The following CAPN5 variants were observed in gnomAD, a reference collection of about 807,000 sequenced individuals.
CAPN5 encodes the protein calpain 5, also known as calpain-5.
Under a neutral mutation model 73.0 loss-of-function variants are expected in CAPN5, and 54 were observed. The ratio of observed to expected loss-of-function variants is 0.74; its 90% CI spans 0.59 to 0.93. The LOEUF (loss-of-function observed/expected upper bound fraction) is 0.93, where lower values mean the gene tolerates loss of function less well. Among genes scored for constraint, CAPN5 ranks in the 40% least tolerant of loss-of-function variants. The pLI is 0.00. For synonymous variants in CAPN5, 335 were observed against 356.9 expected (o/e 0.94, Z 0.69); for missense variants, 785 against 882.9 (o/e 0.89, Z 1.41).
intron 4 of CAPN5, among the ~76,000 whole-genome samples, chr11:77,113,701 C>G (rs535940892): frequency 8.2e-6 from 1 of 121,304 alleles, no homozygotes; most frequent in Admixed American, 8.0e-5. Context: ...AAGCCAGCCC[C>G]CTGGTGGCCA....
intron 2 of CAPN5, chr11:77,088,004 T>C (rs1555035850): frequency 2.0e-6 from 3 of 1,536,016 alleles, no homozygotes; most frequent in African/African-American, 1.4e-5. Context: ...GAATGGAGAA[T>C]GTCCCCAGGC....
At chr11:77,123,426 A>G (rs1403028708) in intron 12 of CAPN5, among the ~76,000 whole-genome samples, 1 of 152,186 alleles carries the variant, frequency 6.6e-6, no homozygotes, top group African/African-American at 2.4e-5. Context: ...CGCTTGTCCA[A>G]GTTCACCCAA....
intron 1 of CAPN5, among the ~76,000 whole-genome samples, chr11:77,082,271 A>C (rs1171382785): frequency 6.6e-6 from 1 of 152,116 alleles, no homozygotes. Flanking sequence ...GAGGGCAGGC[A>C]CACAGGGCAG....
chr11:77,091,369 G>T (rs1214825692), intron 2 of CAPN5, among the ~76,000 whole-genome samples: 1 of 152,216 alleles, frequency 6.6e-6, no homozygotes, highest in African/African-American at 2.4e-5. Flanking sequence ...AGAAGCTCTT[G>T]GGATGGAACT....
intron 12 of CAPN5, among the ~76,000 whole-genome samples, chr11:77,123,257 TC>T (rs35524928): frequency 6.6e-6 from 1 of 152,092 alleles, no homozygotes; most frequent in Non-Finnish European, 1.5e-5. Context: ...AACATTTGGG[TC>T]CCCCTGGGGG....
chr11:77,105,701 G>A (rs1030438289), intron 3 of CAPN5, among the ~76,000 whole-genome samples: 1 of 152,214 alleles, frequency 6.6e-6, no homozygotes, highest in Admixed American at 6.5e-5. Flanking sequence ...GCTTGGTTCT[G>A]TGAAGGTCCT....
intron 1 of CAPN5, among the ~76,000 whole-genome samples, chr11:77,068,421 G>A (rs1197031409): frequency 6.6e-6 from 1 of 152,126 alleles, no homozygotes; most frequent in Non-Finnish European, 1.5e-5. Context: ...ACTGATGGGT[G>A]CCCGGGAGCT....
chr11:77,111,181 CT>C (rs1950406928), intron 3 of CAPN5, among the ~76,000 whole-genome samples: 1 of 152,122 alleles, frequency 6.6e-6, no homozygotes, highest in Non-Finnish European at 1.5e-5. Flanking sequence ...AGCCTCAGCA[CT>C]TTGCCTGGGT....
Position 77,120,728 on chromosome 11 carries a change from CAG to C in CAPN5, c.1307_1308del (p.Gln436LeufsTer54). 6.2e-7 allele frequency: 1 copy of C among 1,610,004 alleles called. No individual in the cohort carries two copies. Among genetic ancestry groups the C allele is most frequent in the East Asian group, 2.2e-5 (1 of 44,806 alleles). ...CCTCCTGCAGGTGGAGGAGAACCGC[CAG>C]TACCGCATGCACAGCCTGCAGCACA... ...FDIYKVEENR[Q>X]YRMHSLQHKA... On this transcript the variant is annotated frameshift_variant, in exon 10 of 13. Transcript: ENST00000648180. LOFTEE classifies it high-confidence loss of function.
intron 3 of CAPN5, among the ~76,000 whole-genome samples, chr11:77,110,117 CTT>C (rs34542185): frequency 6.2e-5 from 9 of 144,358 alleles, no homozygotes; most frequent in Non-Finnish European, 7.6e-5. Flanking sequence ...TGGAACCGCT[CTT>C]TTTTTTTTTT....
At chr11:77,079,750 C>G (rs1328106300) in intron 1 of CAPN5, among the ~76,000 whole-genome samples, 2 of 151,672 alleles carry the variant, frequency 1.3e-5, no homozygotes, top group Non-Finnish European at 2.9e-5. Context: ...AATTTGTCCT[C>G]CTACCACTAA....
rs2135487647 is a variant in CAPN5, at chr11:77,120,808, C to T, written c.1386C>T (p.Asp462=). The change falls in exon 10 of 13, where the codon GAC becomes GAT. Residue 462 remains aspartate, a synonymous_variant. Coordinates refer to ENST00000648180, the MANE Select transcript of CAPN5 (RefSeq NM_004055.5). ...CACGCAGCGTCTTCCTGCGCACCGA[C>T]CAGCCCGAGGGCCGCTATGTCATCA... ...INSRSVFLRT[D]QPEGRYVIIP... is the part of the protein sequence containing the mutation. 3 of 1,614,216 alleles carry T rather than the reference C, an allele frequency of 1.9e-6. No individual in the cohort carries two copies. The highest frequency in any genetic ancestry group is 1.7e-6 in the Non-Finnish European group (2 of 1,180,036).
rs1201601451 is a variant in CAPN5, at chr11:77,084,956, A to G, written c.70A>G (p.Lys24Glu). ...SALRRDCRRR[K>E]VLFEDPLFPA... is the part of the protein sequence containing the mutation. ...CCTGAGGCGGGACTGCCGGCGCAGG[A>G]AGGTGCTCTTCGAGGACCCCCTCTT... The change falls in exon 2 of 13, where the codon AAG becomes GAG. Residue 24 changes from lysine (K) to glutamate (E), a missense_variant. By Grantham distance (56) the Lys-to-Glu change is moderately conservative (BLOSUM62 1). Coordinates refer to ENST00000648180, the MANE Select transcript of CAPN5 (RefSeq NM_004055.5). 3 of 1,613,646 alleles carry G rather than the reference A, an allele frequency of 1.9e-6. No individual in the cohort carries two copies. Among genetic ancestry groups the G allele is most frequent in the Non-Finnish European group, 2.5e-6 (3 of 1,180,024 alleles).
intron 3 of CAPN5, among the ~76,000 whole-genome samples, chr11:77,109,664 C>A (rs1288664055): frequency 3.3e-5 from 5 of 152,148 alleles, no homozygotes; most frequent in African/African-American, 1.2e-4. Flanking sequence ...TTTAGACAGT[C>A]TCCCTCCTGC....
intron 3 of CAPN5, among the ~76,000 whole-genome samples, chr11:77,108,975 GGT>G (rs1310976591): frequency 6.6e-6 from 1 of 152,148 alleles, no homozygotes; most frequent in Non-Finnish European, 1.5e-5. Flanking sequence ...GGTTTCCCAT[GGT>G]GTGGGTTTTG....
At chr11:77,074,242 G>A (rs1949943515) in intron 1 of CAPN5, among the ~76,000 whole-genome samples, 1 of 152,126 alleles carries the variant, frequency 6.6e-6, no homozygotes, top group Non-Finnish European at 1.5e-5. Flanking sequence ...CCAGTCCTGG[G>A]TCACTGCATC....
At chr11:77,105,422 C>T (rs1555039711) in intron 3 of CAPN5, among the ~76,000 whole-genome samples, 3 of 152,124 alleles carry the variant, frequency 2.0e-5, no homozygotes, top group Non-Finnish European at 2.9e-5. Flanking sequence ...GAGCTGCCTC[C>T]GTGTTGGGTG....
intron 1 of CAPN5, among the ~76,000 whole-genome samples, chr11:77,072,543 G>A (rs1454580146): frequency 6.6e-6 from 1 of 152,220 alleles, no homozygotes; most frequent in Admixed American, 6.5e-5. Flanking sequence ...GCCCGAGGGA[G>A]GGGTGGTGGG....
chr11:77,080,427 C>G (rs1396985365), intron 1 of CAPN5, among the ~76,000 whole-genome samples: 3 of 152,196 alleles, frequency 2.0e-5, no homozygotes. Context: ...CCCCATCTCT[C>G]AGAGGCTCAG....
Sources: allele counts gnomAD v4.1 joint callset (sites outside exome capture counted in the v4.1 genomes callset), GRCh38; gene constraint gnomAD v4.1.1; transcripts MANE v1.5; gene names NCBI Gene and HGNC (gene_info 2026-07-23, HGNC 2026-07-21).